CNTN4: variants seen among roughly 807,000 people sequenced by gnomAD.
CNTN4 encodes the protein contactin 4, also known as contactin-4.
CNTN4 carries 77 observed loss-of-function variants against 122.5 expected under a neutral mutation model. The observed-to-expected ratio is 0.63, with a 90% confidence interval of 0.52 to 0.76. The LOEUF is 0.76. CNTN4 is among the 30% of genes least tolerant of loss of function. The pLI, the probability that CNTN4 is intolerant of heterozygous loss-of-function variation, is 0.00. For missense variants in CNTN4, 1,256 were observed against 1,259.1 expected (o/e 1.00, Z 0.04); for synonymous variants, 512 against 447.0 (o/e 1.15, Z -1.83).
rs73804576 is a variant in CNTN4 at position 2,455,283 on chromosome 3, C to T, written c.-89+116050C>T. On this transcript the variant is annotated intron_variant, in intron 3 of 24. Coordinates refer to ENST00000418658, the MANE Select transcript of CNTN4 (RefSeq NM_175607.3). ...GTTTGGCTTAATAATAACCATTATT[C>T]TTCATTTGGGGTTATTGATTGTTCT... Among the ~76,000 whole-genome samples the T allele has an allele frequency of 3.3e-3, 509 of 152,236 alleles. 3 individuals are homozygous for T. The highest frequency in any genetic ancestry group is 0.011 in the African/African-American group (453 of 41,550).
At chr3:2,370,628 T>G (rs2045594951) in intron 3 of CNTN4, among the ~76,000 whole-genome samples, 1 of 152,234 alleles carries the variant, frequency 6.6e-6, no homozygotes, top group Admixed American at 6.5e-5. Context: ...TTGTAGTTTA[T>G]GGAATGAGTC....
chr3:2,900,339 C>G (rs955820635), intron 10 of CNTN4, among the ~76,000 whole-genome samples: 1 of 151,988 alleles, frequency 6.6e-6, no homozygotes, highest in Non-Finnish European at 1.5e-5. Flanking sequence ...ATATACCAGC[C>G]TGGTTAAAAG....
chr3:2,943,136 G>A (rs188454141), intron 13 of CNTN4, among the ~76,000 whole-genome samples: 1 of 152,178 alleles, frequency 6.6e-6, no homozygotes, highest in African/African-American at 2.4e-5. Context: ...CTTTAGGGTG[G>A]AACAAAGATG....
chr3:2,895,751 G>T (rs1472795534), intron 10 of CNTN4, among the ~76,000 whole-genome samples: 1 of 152,058 alleles, frequency 6.6e-6, no homozygotes, highest in South Asian at 2.1e-4. Context: ...ATCAAAAGGA[G>T]GGGCTGGGCG....
At chr3:2,166,730 A>T (rs1393613764) in intron 2 of CNTN4, among the ~76,000 whole-genome samples, 2 of 152,128 alleles carry the variant, frequency 1.3e-5, no homozygotes, top group African/African-American at 4.8e-5. Context: ...AGAAGCTTGT[A>T]AATGCCTAGC....
chr3:2,607,754 T>G lies in CNTN4; in HGVS notation c.55+36196T>G, dbSNP rs571298448. Among the ~76,000 whole-genome samples, 13 of 152,288 alleles carry G rather than the reference T, an allele frequency of 8.5e-5. No homozygotes were observed. The South Asian group carries it at 2.7e-3, about 32-fold the overall frequency. Reference sequence around the variant, plus strand: ...TTGAATCTGCCCTTTTTAAATGCTATGTTAAAAAATAGATACATATGTTTT... The same window carrying G: ...TTGAATCTGCCCTTTTTAAATGCTAGGTTAAAAAATAGATACATATGTTTT... On this transcript the variant is annotated intron_variant, in intron 4 of 24. Transcript: ENST00000418658.
chr3:2,190,775 A>G (rs1487079568), intron 2 of CNTN4, among the ~76,000 whole-genome samples: 1 of 151,642 alleles, frequency 6.6e-6, no homozygotes, highest in Non-Finnish European at 1.5e-5. Flanking sequence ...TAGTGCATAC[A>G]TTGGTATACA....
intron 3 of CNTN4, among the ~76,000 whole-genome samples, chr3:2,524,717 C>T (rs991305823): frequency 5.3e-5 from 8 of 152,064 alleles, no homozygotes; most frequent in African/African-American, 1.9e-4. Context: ...AGTAGTGGCA[C>T]ACTGTCCATG....
At chr3:2,526,191 C>CT in intron 3 of CNTN4, among the ~76,000 whole-genome samples, 1 of 152,098 alleles carries the variant, frequency 6.6e-6, no homozygotes, top group Non-Finnish European at 1.5e-5. Context: ...GCCCCACAAT[C>CT]TTTTTTCTCT....
chr3:2,244,369 A>G (rs1249209450), intron 2 of CNTN4, among the ~76,000 whole-genome samples: 1 of 152,038 alleles, frequency 6.6e-6, no homozygotes, highest in African/African-American at 2.4e-5. Context: ...GGACTGCTGT[A>G]TGTGTTGTAG....
chr3:2,903,753 T>G (rs578120002), intron 12 of CNTN4, among the ~76,000 whole-genome samples: 32 of 152,338 alleles, frequency 2.1e-4, no homozygotes, highest in African/African-American at 7.7e-4. Flanking sequence ...CACTTTTTTT[T>G]GTGATCTTTC....
At chr3:2,660,259 A>G (rs189358313) in intron 4 of CNTN4, among the ~76,000 whole-genome samples, 1 of 152,094 alleles carries the variant, frequency 6.6e-6, no homozygotes, top group Middle Eastern at 3.2e-3. Context: ...AACATTTTTT[A>G]AAAAAAGAAA....
intron 3 of CNTN4, among the ~76,000 whole-genome samples, chr3:2,537,263 G>A (rs1047801129): frequency 2.0e-5 from 3 of 152,046 alleles, no homozygotes; most frequent in African/African-American, 7.2e-5. Flanking sequence ...GAGTCACAGA[G>A]GTTCCTACGA....
chr3:2,495,415 C>A (rs1348891918), intron 3 of CNTN4, among the ~76,000 whole-genome samples: 1 of 152,212 alleles, frequency 6.6e-6, no homozygotes, highest in Non-Finnish European at 1.5e-5. Context: ...TTCAATAAAT[C>A]CTTGTTGGAT....
chr3:2,531,796 G>A lies in CNTN4; in HGVS notation c.-88-39620G>A, dbSNP rs139277766. On this transcript the variant is annotated intron_variant, in intron 3 of 24. Transcript: ENST00000418658. ...GAATGCTCTTGAGAGGCTAATGCAT[G>A]CAATTTAACAAATTCAAACTCGAGT... Among the ~76,000 whole-genome samples, 231 of 152,236 alleles carry A rather than the reference G, an allele frequency of 1.5e-3. 4 individuals are homozygous for A. Among genetic ancestry groups the A allele is most frequent in the Middle Eastern group, 0.014 (4 of 294 alleles).
intron 13 of CNTN4, among the ~76,000 whole-genome samples, chr3:2,977,673 G>A (rs932462265): frequency 1.3e-5 from 2 of 152,138 alleles, no homozygotes; most frequent in African/African-American, 4.8e-5. Flanking sequence ...TCTGCCCCTC[G>A]TCTAAGGGCT....
chr3:2,398,929 T>A (rs1190703006), intron 3 of CNTN4, among the ~76,000 whole-genome samples: 1 of 152,166 alleles, frequency 6.6e-6, no homozygotes, highest in African/African-American at 2.4e-5. Context: ...CGTTTCCATA[T>A]ATTGATTTAT....
chr3:2,151,042 A>C (rs1306497463), intron 2 of CNTN4, among the ~76,000 whole-genome samples: 1 of 152,068 alleles, frequency 6.6e-6, no homozygotes, highest in African/African-American at 2.4e-5. Flanking sequence ...CCCACAGGAG[A>C]AGAAAGACAA....
chr3:2,292,234 T>A (rs574086986), intron 2 of CNTN4, among the ~76,000 whole-genome samples: 1 of 152,202 alleles, frequency 6.6e-6, no homozygotes, highest in East Asian at 1.9e-4. Context: ...CTAATAGTGT[T>A]ATATTTATAA....
Sources: allele counts gnomAD v4.1 joint callset (sites outside exome capture counted in the v4.1 genomes callset), GRCh38; gene constraint gnomAD v4.1.1; transcripts MANE v1.5; gene names NCBI Gene and HGNC (gene_info 2026-07-23, HGNC 2026-07-21).